Variants in TBC1D5 observed in about 807,000 individuals in gnomAD.
The protein encoded by TBC1D5 is TBC1 domain family, member 5.
A neutral mutation model predicts 100.3 loss-of-function variants in TBC1D5; 75 were observed. The observed-to-expected ratio is 0.75, with a 90% CI of 0.62 to 0.91. The LOEUF (loss-of-function observed/expected upper bound fraction) is 0.91. Ranked by LOEUF, TBC1D5 falls within the 40% of genes least tolerant of loss-of-function variation. TBC1D5 has a pLI of 0.00. For missense variants in TBC1D5, 910 were observed against 942.4 expected (o/e 0.97, Z 0.45); for synonymous variants, 323 against 325.6 (o/e 0.99, Z 0.09).
exon 16 of TBC1D5, chr3:17,258,521 A>T (rs1466824433): frequency 6.2e-7 from 1 of 1,612,210 alleles, no homozygotes; most frequent in Non-Finnish European, 8.5e-7. Context: ...TTTATTCATG[A>T]GGTCTGCTCC....
chr3:17,436,339 CA>C (rs760928388), intron 3 of TBC1D5, among the ~76,000 whole-genome samples: 4 of 152,028 alleles, frequency 2.6e-5, no homozygotes, highest in South Asian at 2.1e-4. Flanking sequence ...TGTAAGTCCT[CA>C]AAAAAAGTTA....
chr3:17,160,371 G>T (rs1400490834), exon 22 of TBC1D5: 1 of 151,872 alleles, frequency 6.6e-6, no homozygotes, highest in Admixed American at 6.6e-5. Context: ...CAGTAATGAG[G>T]TTTTTTCTTT....
chr3:17,481,506 T>C (rs2095501880), intron 3 of TBC1D5, among the ~76,000 whole-genome samples: 1 of 152,098 alleles, frequency 6.6e-6, no homozygotes, highest in Admixed American at 6.5e-5. Flanking sequence ...CAGTGAGCCA[T>C]GATCTGCCAC....
chr3:17,602,678 T>C (rs966078512), intron 2 of TBC1D5, among the ~76,000 whole-genome samples: 6 of 145,282 alleles, frequency 4.1e-5, no homozygotes, highest in Non-Finnish European at 9.0e-5. Context: ...GTTCGTGCCA[T>C]TCTCCTGTCT....
intron 3 of TBC1D5, among the ~76,000 whole-genome samples, chr3:17,444,507 G>A (rs960674994): frequency 1.6e-4 from 24 of 151,872 alleles, no homozygotes; most frequent in African/African-American, 5.5e-4. Context: ...TCTTCAATTG[G>A]CAGATATTTC....
At chr3:17,705,947 T>C (rs1437209709) in intron 1 of TBC1D5, 9 of 1,262,152 alleles carry the variant, frequency 7.1e-6, no homozygotes, top group African/African-American at 1.5e-5. Context: ...CTCCAGCCGC[T>C]GCCTCCCGGG....
chr3:17,678,552 G>A lies in TBC1D5; in HGVS notation c.-100-54639C>T, dbSNP rs551107834. 2.0e-5 allele frequency among the ~76,000 whole-genome samples: 3 copies of A among 150,630 alleles called. No homozygotes were observed. In the South Asian group the frequency reaches 6.3e-4, roughly 31 times the overall value. Reference sequence around the variant, plus strand: ...ACTCATAACAGAACACATCAGAAAAGACACTAAGAAGCAAATCATTCTGCC... The same window carrying A: ...ACTCATAACAGAACACATCAGAAAAAACACTAAGAAGCAAATCATTCTGCC... On this transcript the variant is annotated intron_variant, in intron 1 of 21. Coordinates refer to ENST00000253692, the Ensembl canonical transcript of TBC1D5.
intron 14 of TBC1D5, among the ~76,000 whole-genome samples, chr3:17,299,008 G>A (rs545805492): frequency 8.9e-4 from 135 of 152,240 alleles, no homozygotes; most frequent in African/African-American, 3.2e-3. Context: ...TAATTTATAA[G>A]TTAGGCAATT....
intron 12 of TBC1D5, among the ~76,000 whole-genome samples, chr3:17,373,562 A>AT (rs1192168055): frequency 6.6e-6 from 1 of 152,206 alleles, no homozygotes; most frequent in East Asian, 1.9e-4. Context: ...AAGCTTGTAT[A>AT]TAAATGCTCA....
chr3:17,512,199 TG>T (rs2095917462), intron 2 of TBC1D5, among the ~76,000 whole-genome samples: 1 of 152,028 alleles, frequency 6.6e-6, no homozygotes, highest in Non-Finnish European at 1.5e-5. Flanking sequence ...TAAGAGAAAA[TG>T]ATTGATTACA....
At chr3:17,230,605 T>C (rs2075329965) in intron 17 of TBC1D5, among the ~76,000 whole-genome samples, 1 of 152,144 alleles carries the variant, frequency 6.6e-6, no homozygotes, top group Non-Finnish European at 1.5e-5. Context: ...TTAACCTTTT[T>C]ATATTTAAAA....
chr3:17,673,395 T>C (rs1402265242), intron 1 of TBC1D5, among the ~76,000 whole-genome samples: 1 of 149,392 alleles, frequency 6.7e-6, no homozygotes, highest in East Asian at 2.1e-4. Flanking sequence ...CTGCAGCCTC[T>C]ACCTAACCAG....
At chr3:17,580,414 T>C (rs1232408484) in intron 2 of TBC1D5, among the ~76,000 whole-genome samples, 1 of 152,134 alleles carries the variant, frequency 6.6e-6, no homozygotes, top group African/African-American at 2.4e-5. Flanking sequence ...ATCATGATGC[T>C]TCTTGTATGT....
intron 8 of TBC1D5, among the ~76,000 whole-genome samples, chr3:17,398,725 C>T (rs1386612113): frequency 7.0e-6 from 1 of 141,854 alleles, no homozygotes; most frequent in African/African-American, 2.8e-5. Context: ...CTTAATGACA[C>T]CAATAATCCT....
chr3:17,696,573 T>A (rs769644822), intron 1 of TBC1D5, among the ~76,000 whole-genome samples: 12 of 152,084 alleles, frequency 7.9e-5, no homozygotes, highest in Non-Finnish European at 1.6e-4. Flanking sequence ...AATCTCTGAA[T>A]AGAACAATCA....
At chr3:17,517,520 T>C (rs547410150) in intron 2 of TBC1D5, among the ~76,000 whole-genome samples, 1 of 152,254 alleles carries the variant, frequency 6.6e-6, no homozygotes, top group Admixed American at 6.5e-5. Flanking sequence ...TGAGAATGTG[T>C]CATAAGGCAA....
chr3:17,649,670 T>C (rs867563713), intron 1 of TBC1D5, among the ~76,000 whole-genome samples: 15 of 152,102 alleles, frequency 9.9e-5, no homozygotes, highest in South Asian at 6.2e-4. Context: ...TGTGGAGAAA[T>C]AGGAACGCTT....
chr3:17,471,027 A>G (rs2095366780), intron 3 of TBC1D5, among the ~76,000 whole-genome samples: 1 of 152,230 alleles, frequency 6.6e-6, no homozygotes, highest in African/African-American at 2.4e-5. Flanking sequence ...ATCACTAAAA[A>G]ATAGATGTCA....
intron 1 of TBC1D5, among the ~76,000 whole-genome samples, chr3:17,661,002 C>A (rs2066588822): frequency 6.6e-6 from 1 of 152,168 alleles, no homozygotes; most frequent in Admixed American, 6.5e-5. Context: ...TCACAAAAAT[C>A]TACATGACCA....
Sources: gnomAD v4.1 joint callset for allele counts (sites outside exome capture counted in the v4.1 genomes callset) on GRCh38, gnomAD v4.1.1 for gene constraint, MANE v1.5 for transcripts, NCBI Gene and HGNC (gene_info 2026-07-23, HGNC 2026-07-21) for gene names.